CBFA2T2: variants seen among roughly 807,000 people sequenced by gnomAD.
CBFA2T2 encodes the protein CBFA2/RUNX1 partner transcriptional co-repressor 2, also known as protein CBFA2T2.
CBFA2T2 carries 11 observed loss-of-function variants against 62.2 expected under a neutral mutation model. The observed-to-expected ratio is 0.18, with a 90% CI of 0.11 to 0.29. The LOEUF (loss-of-function observed/expected upper bound fraction) is 0.29. CBFA2T2 is among the 10% of genes least tolerant of loss of function. CBFA2T2 has a pLI of 1.00. For missense variants in CBFA2T2, 592 were observed against 774.1 expected, an observed-to-expected ratio of 0.76 and a Z score of 2.79; for synonymous variants, 295 against 287.5, an observed-to-expected ratio of 1.03 and a Z score of -0.27.
intron 6 of CBFA2T2, among the ~76,000 whole-genome samples, chr20:33,627,533 G>C (rs2016286613): frequency 6.6e-6 from 1 of 152,110 alleles, no homozygotes; most frequent in South Asian, 2.1e-4. Context: ...ACTAGGTATG[G>C]GGTCTCACTA....
intron 1 of CBFA2T2, among the ~76,000 whole-genome samples, chr20:33,493,068 GTTTTT>G (rs1157324208): frequency 3.4e-5 from 3 of 88,080 alleles, no homozygotes; most frequent in Non-Finnish European, 4.3e-5. Flanking sequence ...TGAAGTTTTG[GTTTTT>G]TTTTTTTTTT....
At chr20:33,619,907 A>C (rs916052504) in intron 4 of CBFA2T2, among the ~76,000 whole-genome samples, 11 of 152,196 alleles carry the variant, frequency 7.2e-5, no homozygotes, top group African/African-American at 2.7e-4. Flanking sequence ...CTGAGGTCCT[A>C]GCAGAAGAAA....
chr20:33,564,265 CTT>C (rs546526858), intron 1 of CBFA2T2, among the ~76,000 whole-genome samples: 7 of 120,432 alleles, frequency 5.8e-5, no homozygotes, highest in Non-Finnish European at 7.8e-5. Context: ...CTTTTTCTTT[CTT>C]TTTTTTTTTT....
chr20:33,608,000 T>C (rs762715593), intron 2 of CBFA2T2, among the ~76,000 whole-genome samples: 1 of 152,200 alleles, frequency 6.6e-6, no homozygotes, highest in Non-Finnish European at 1.5e-5. Context: ...CAAGTTTTGG[T>C]GAGGATGTAT....
At position 33,574,209 on chromosome 20, in the gene CBFA2T2, A is replaced by G. The variant is rs960077146; in HGVS notation, c.35-32747A>G. 1.9e-6 allele frequency: 3 copies of G among 1,613,508 alleles called. No homozygotes were observed. The African/African-American group carries it at 4.0e-5, about 22-fold the overall frequency. The stretch of plus-strand genomic sequence containing the variant: ...AGCAGATCACCAGGTGAATGGCTAA[A>G]GAATCTGGAATAAGCTTGAAAGAAA... On this transcript the variant is annotated intron_variant, in intron 1 of 10. Coordinates refer to ENST00000342704, the MANE Select transcript of CBFA2T2 (RefSeq NM_001032999.3).
At chr20:33,570,366 G>A (rs1444562333) in intron 1 of CBFA2T2, among the ~76,000 whole-genome samples, 1 of 152,238 alleles carries the variant, frequency 6.6e-6, no homozygotes. Context: ...ATGAAGGCAA[G>A]CCTCTAGGTA....
chr20:33,625,066 C>T (rs758693809), intron 6 of CBFA2T2, 49 bp downstream of exon 6: 26 of 1,566,766 alleles, frequency 1.7e-5, no homozygotes, highest in Admixed American at 3.6e-5. Flanking sequence ...TCTTGGATTT[C>T]TTTCCAACTC....
chr20:33,621,485 C>T (rs1292861498), intron 4 of CBFA2T2, among the ~76,000 whole-genome samples: 1 of 151,616 alleles, frequency 6.6e-6, no homozygotes, highest in Non-Finnish European at 1.5e-5. Flanking sequence ...ATAGTAGAGA[C>T]TATTAATAGT....
chr20:33,527,964 G>A (rs1445889852), intron 1 of CBFA2T2, among the ~76,000 whole-genome samples: 4 of 152,086 alleles, frequency 2.6e-5, no homozygotes, highest in African/African-American at 7.2e-5. Flanking sequence ...GGCTCAAGCA[G>A]TCTTCCCACC....
intron 1 of CBFA2T2, among the ~76,000 whole-genome samples, chr20:33,514,350 G>A (rs1042235248): frequency 6.6e-6 from 1 of 151,722 alleles, no homozygotes; most frequent in African/African-American, 2.4e-5. Context: ...CAGTAACTGG[G>A]ATGACAGGTG....
intron 3 of CBFA2T2, among the ~76,000 whole-genome samples, chr20:33,615,726 G>A (rs2015681945): frequency 6.6e-6 from 1 of 151,868 alleles, no homozygotes; most frequent in Admixed American, 6.6e-5. Context: ...GGGGGACAGA[G>A]CAAGACCCCA....
rs1388680028 is a variant in CBFA2T2, at chr20:33,643,410, TAC to T, written c.1489-935_1489-934del. On this transcript the variant is annotated intron_variant, in intron 10 of 10. Transcript: ENST00000342704. ...GGGCAATATAAGGAGACTCTGTCTC[TAC>T]AAGAAATTAAAGAATCAGCCAGGCA... Among the ~76,000 whole-genome samples, 4 of 151,892 alleles carry T rather than the reference TAC, an allele frequency of 2.6e-5. No homozygotes were observed. In the East Asian group the frequency reaches 5.8e-4, roughly 22 times the overall value.
At chr20:33,547,680 C>A (rs2012615773) in intron 1 of CBFA2T2, among the ~76,000 whole-genome samples, 2 of 135,398 alleles carry the variant, frequency 1.5e-5, no homozygotes, top group South Asian at 5.0e-4. Flanking sequence ...GACCCTGTCT[C>A]AAAAAAATGT....
chr20:33,630,166 T>A (rs1011937610), intron 8 of CBFA2T2, among the ~76,000 whole-genome samples: 1 of 152,148 alleles, frequency 6.6e-6, no homozygotes, highest in Non-Finnish European at 1.5e-5. Context: ...CAGGCTGGCC[T>A]TGGACTCCTG....
intron 6 of CBFA2T2, 47 bp downstream of exon 6, chr20:33,625,064 T>G: frequency 6.3e-7 from 1 of 1,576,156 alleles, no homozygotes; most frequent in Non-Finnish European, 8.6e-7. Context: ...ATTCTTGGAT[T>G]TCTTTCCAAC....
intron 1 of CBFA2T2, among the ~76,000 whole-genome samples, chr20:33,522,489 A>G (rs1279430539): frequency 6.7e-6 from 1 of 149,526 alleles, no homozygotes; most frequent in Non-Finnish European, 1.5e-5. Flanking sequence ...GCGCTTTGGG[A>G]GGCCAAGGTG....
At chr20:33,552,663 A>G (rs2012770740) in intron 1 of CBFA2T2, among the ~76,000 whole-genome samples, 2 of 152,202 alleles carry the variant, frequency 1.3e-5, no homozygotes, top group African/African-American at 4.8e-5. Context: ...AGTTTGCAAG[A>G]TTATCTAACA....
chr20:33,542,992 T>C (rs953523700), intron 1 of CBFA2T2, among the ~76,000 whole-genome samples: 1 of 150,404 alleles, frequency 6.6e-6, no homozygotes, highest in Non-Finnish European at 1.5e-5. Context: ...TAATTTGTAT[T>C]AAGTATTAGT....
intron 3 of CBFA2T2, among the ~76,000 whole-genome samples, chr20:33,615,529 T>G (rs2015672349): frequency 6.6e-6 from 1 of 152,164 alleles, no homozygotes; most frequent in East Asian, 1.9e-4. Context: ...TCGTTAAAAA[T>G]CAAGTCTCAT....
Sources: allele counts gnomAD v4.1 joint callset (sites outside exome capture counted in the v4.1 genomes callset), GRCh38; gene constraint gnomAD v4.1.1; transcripts MANE v1.5; gene names NCBI Gene and HGNC (gene_info 2026-07-23, HGNC 2026-07-21).